The following NPAS3 variants were observed in gnomAD, a reference collection of about 807,000 sequenced individuals.
The protein encoded by NPAS3 is neuronal PAS domain-containing protein 3.
A neutral mutation model predicts 73.1 loss-of-function variants in NPAS3; 14 were observed. The observed-to-expected ratio is 0.19, with a 90% CI of 0.13 to 0.30. The LOEUF is 0.30. NPAS3 is among the 10% of genes least tolerant of loss of function. NPAS3 has a pLI of 1.00. For missense variants in NPAS3, 1,096 were observed against 1,250.0 expected, an observed-to-expected ratio of 0.88 and a Z score of 1.86; for synonymous variants, 620 against 541.5, an observed-to-expected ratio of 1.14 and a Z score of -2.01.
chr14:32,992,287 T>C (rs947648681), intron 1 of NPAS3, among the ~76,000 whole-genome samples: 2 of 152,250 alleles, frequency 1.3e-5, no homozygotes, highest in African/African-American at 4.8e-5. Flanking sequence ...CCATATTATT[T>C]CTTTAGGTCA....
intron 3 of NPAS3, among the ~76,000 whole-genome samples, chr14:33,271,238 G>A (rs889275309): frequency 2.0e-5 from 3 of 152,184 alleles, no homozygotes; most frequent in African/African-American, 7.2e-5. Context: ...TTCCTCCTGG[G>A]TATAAGGCAG....
intron 4 of NPAS3, among the ~76,000 whole-genome samples, chr14:33,448,472 G>A (rs1313921831): frequency 1.3e-5 from 2 of 152,166 alleles, no homozygotes; most frequent in African/African-American, 4.8e-5. Flanking sequence ...GGGCAAAGTG[G>A]TGCTGAGGGC....
chr14:33,179,327 A>C lies in NPAS3; in HGVS notation c.141-35855A>C, dbSNP rs117969528. Among the ~76,000 whole-genome samples, 226 of 152,344 alleles carry C rather than the reference A, an allele frequency of 1.5e-3. 5 individuals are homozygous for C. In the East Asian group the frequency reaches 0.041, roughly 27 times the overall value. On this transcript the variant is annotated intron_variant, in intron 2 of 11. Transcript: ENST00000356141. ...GAGTCTGAACTATTTGAGTGCATCA[A>C]AATATTTGTGTACTTAAATTTTTAG...
intron 5 of NPAS3, among the ~76,000 whole-genome samples, chr14:33,589,468 T>G (rs138859047): frequency 6.6e-6 from 1 of 152,338 alleles, no homozygotes; most frequent in African/African-American, 2.4e-5. Context: ...TGAGGTTCTA[T>G]TGTTACGTCA....
rs1840226166 is a variant in NPAS3 at position 33,069,736 on chromosome 14, A to G, written c.140+13742A>G. Among the ~76,000 whole-genome samples the G allele has an allele frequency of 2.0e-5, 3 of 152,222 alleles. No individual in the cohort carries two copies. The South Asian group carries it at 6.2e-4, about 31-fold the overall frequency. On this transcript the variant is annotated intron_variant, in intron 2 of 11. Coordinates refer to ENST00000356141, the Ensembl canonical transcript of NPAS3. ...GGAAGTGCATACTAAGTACTCAACT[A>G]CTAACTCAAAAAAGTTAGTGCTGTG... is the stretch of plus-strand genomic sequence containing the variant.
In NPAS3 at chr14:33,800,605, C is replaced by A; in HGVS notation, c.2298C>A (p.Gly766=). The change falls in exon 12 of 12, where the codon GGC becomes GGA. Residue 766 remains glycine (G), a synonymous_variant. Transcript: ENST00000356141. The surrounding 1 kb of genome is among the most constrained non-coding windows in gnomAD (Gnocchi z 6.5). ...AGCACCCCGGGAACGGCGGCGGGGGCGGGGGCGGGGGCGGCGGCGCGGGGG... is the reference window on the plus strand; with the variant it reads ...AGCACCCCGGGAACGGCGGCGGGGGAGGGGGCGGGGGCGGCGGCGCGGGGG... 1 of 1,310,512 alleles carries A rather than the reference C, an allele frequency of 7.6e-7. No individual in the cohort carries two copies. Among genetic ancestry groups the A allele is most frequent in the South Asian group, 2.5e-5 (1 of 40,702 alleles). 81.2% of individuals were successfully genotyped at this position (1,310,512 alleles called of 1,614,324 possible).
At chr14:33,595,692 A>T (rs987370423) in intron 5 of NPAS3, among the ~76,000 whole-genome samples, 4 of 151,854 alleles carry the variant, frequency 2.6e-5, no homozygotes, top group Middle Eastern at 3.2e-3. Flanking sequence ...TTTTTTTGAG[A>T]TGGAGTCTGG....
chr14:33,304,595 G>A (rs1209246180), intron 3 of NPAS3, among the ~76,000 whole-genome samples: 1 of 151,584 alleles, frequency 6.6e-6, no homozygotes, highest in Non-Finnish European at 1.5e-5. Context: ...TTTCCTTAGG[G>A]CTACATATGT....
intron 2 of NPAS3, among the ~76,000 whole-genome samples, chr14:33,158,416 G>GT (rs2044726219): frequency 6.6e-6 from 1 of 152,162 alleles, no homozygotes; most frequent in Admixed American, 6.5e-5. Context: ...CTGGGTACTA[G>GT]CTAGAGAATC....
intron 3 of NPAS3, among the ~76,000 whole-genome samples, chr14:33,279,611 A>G (rs187949013): frequency 3.4e-4 from 52 of 152,286 alleles, no homozygotes; most frequent in African/African-American, 1.2e-3. Flanking sequence ...TCTGCAATTT[A>G]ACAAGATCTT....
intron 4 of NPAS3, among the ~76,000 whole-genome samples, chr14:33,413,372 G>A (rs1293845956): frequency 2.6e-5 from 4 of 151,928 alleles, no homozygotes; most frequent in Non-Finnish European, 5.9e-5. Context: ...GGCCCCACTT[G>A]TGTCTGTGCT....
At chr14:33,393,403 TACTC>T (rs1482112085) in intron 4 of NPAS3, among the ~76,000 whole-genome samples, 5 of 152,298 alleles carry the variant, frequency 3.3e-5, no homozygotes, top group African/African-American at 1.2e-4. Flanking sequence ...GGAGAGTCAT[TACTC>T]ACAACTATGC....
At chr14:32,942,325 A>G (rs1421905785) in intron 1 of NPAS3, among the ~76,000 whole-genome samples, 1 of 152,222 alleles carries the variant, frequency 6.6e-6, no homozygotes, top group Non-Finnish European at 1.5e-5. Flanking sequence ...TGTGTATAGT[A>G]ATACAGTACC....
intron 5 of NPAS3, among the ~76,000 whole-genome samples, chr14:33,596,319 C>G (rs558138015): frequency 6.6e-6 from 1 of 152,168 alleles, no homozygotes; most frequent in African/African-American, 2.4e-5. Context: ...AGAATATGTG[C>G]GTTCAAAATG....
At chr14:33,550,547 A>G (rs1199654674) in intron 4 of NPAS3, among the ~76,000 whole-genome samples, 1 of 152,236 alleles carries the variant, frequency 6.6e-6, no homozygotes, top group East Asian at 1.9e-4. Context: ...AAGCATTTCC[A>G]TTTCTTTGGA....
intron 2 of NPAS3, among the ~76,000 whole-genome samples, chr14:33,199,439 A>T (rs2046525772): frequency 6.6e-6 from 1 of 152,048 alleles, no homozygotes; most frequent in African/African-American, 2.4e-5. Flanking sequence ...ATTTTCAGTG[A>T]CTCGGCATTC....
At chr14:32,973,722 A>G (rs543950873) in intron 1 of NPAS3, among the ~76,000 whole-genome samples, 6 of 152,082 alleles carry the variant, frequency 3.9e-5, no homozygotes, top group Admixed American at 3.9e-4. Context: ...TTTTTAATAG[A>G]GATGGGGTTT....
chr14:33,109,810 CT>C (rs67439887), intron 2 of NPAS3, among the ~76,000 whole-genome samples: 2,634 of 86,934 alleles, frequency 0.03, 9 homozygotes, highest in African/African-American at 0.044. Context: ...ATTTGCATGT[CT>C]TTTTTTTTTT....
chr14:33,703,913 T>TCCA (rs749708592), intron 6 of NPAS3, among the ~76,000 whole-genome samples: 8 of 152,176 alleles, frequency 5.3e-5, no homozygotes, highest in Non-Finnish European at 1.2e-4. Context: ...GCCCATGTTC[T>TCCA]CCACCACTCT....
Sources: gnomAD v4.1 joint callset for allele counts (sites outside exome capture counted in the v4.1 genomes callset) on GRCh38, gnomAD v4.1.1 for gene constraint, Gnocchi (gnomAD v3.1) non-coding constraint, MANE v1.5 for transcripts, NCBI Gene and HGNC (gene_info 2026-07-23, HGNC 2026-07-21) for gene names.